Variants in SLC49A3 observed in about 807,000 individuals in gnomAD.
SLC49A3 encodes the protein solute carrier family 49 member A3.
A neutral mutation model predicts 43.8 loss-of-function variants in SLC49A3; 50 were observed. The ratio of observed to expected loss-of-function variants is 1.14; its 90% confidence interval spans 0.91 to 1.45. SLC49A3 has a LOEUF of 1.45. SLC49A3 is among the 40% of genes most tolerant of loss of function. The pLI is 0.00. For missense variants in SLC49A3, 906 were observed against 774.1 expected (o/e 1.17, Z -2.02); for synonymous variants, 413 against 352.0 (o/e 1.17, Z -1.94).
At position 686,123 on chromosome 4, in the gene SLC49A3, G is replaced by A. The variant is rs1740967853; in HGVS notation, c.474C>T (p.His158=). 3 of 1,613,038 alleles carry A rather than the reference G, an allele frequency of 1.9e-6. No homozygotes were observed. Among genetic ancestry groups the A allele is most frequent in the South Asian group, 2.2e-5 (2 of 91,072 alleles). The change falls in exon 3 of 10, where the codon CAC becomes CAT. Residue 158 remains histidine, a synonymous_variant. Coordinates refer to ENST00000322224, the MANE Select transcript of SLC49A3 (RefSeq NM_032219.4). The part of the protein sequence containing the change: ...AKLAALWFPE[H]QRATANMLAT... ...CGAGCATGTTGGCCGTGGCTCGCTGGTGCTCTGGGAACCACAAGGCAGCCA... is the reference window on the plus strand; with the variant it reads ...CGAGCATGTTGGCCGTGGCTCGCTGATGCTCTGGGAACCACAAGGCAGCCA...
rs774004954 is a variant in SLC49A3, at chr4:684,846, T to C, written c.596A>G (p.Tyr199Cys). The change falls in exon 5 of 10, where the codon TAT (tyrosine) becomes TGT (cysteine). Residue 199 changes from tyrosine (Y) to cysteine (C), a missense_variant. Transcript: ENST00000322224. ...GEDIPLMLGVYTIPAGVVCLL... is the reference protein window; with the variant it reads ...GEDIPLMLGVCTIPAGVVCLL... ...GCAGACGACGCCAGCAGGGATGGTA[T>C]AGACACCGAGCTGGGGAGGGGTGTG... 4 of 1,611,880 alleles carry C rather than the reference T, an allele frequency of 2.5e-6. No individual in the cohort carries two copies. Among genetic ancestry groups the C allele is most frequent in the African/African-American group, 2.7e-5 (2 of 74,876 alleles).
At chr4:684,352 C>A in intron 6 of SLC49A3, 131 bp downstream of exon 6, 1 of 1,292,272 alleles carries the variant, frequency 7.7e-7, no homozygotes, top group Non-Finnish European at 1.1e-6. Context: ...CGGGAGGGCC[C>A]ACAGCACAGA....
downstream of SLC49A3, chr4:679,166 G>T (rs1380693383): frequency 2.3e-6 from 2 of 888,870 alleles, no homozygotes; most frequent in African/African-American, 3.3e-5. Flanking sequence ...CGGCCCTGAA[G>T]CTGCAAGGTG....
chr4:678,791 GC>G (rs559084617), downstream of SLC49A3: 3,302 of 1,607,762 alleles, frequency 2.1e-3, 5 homozygotes, highest in Non-Finnish European at 2.6e-3. Flanking sequence ...TTCACTGGGA[GC>G]CCCCACCCCC....
downstream of SLC49A3, among the ~76,000 whole-genome samples, chr4:679,677 C>T (rs1739245264): frequency 6.6e-6 from 1 of 152,200 alleles, no homozygotes; most frequent in South Asian, 2.1e-4. Context: ...AGCACCTTCC[C>T]AGGCTCTGTG....
At chr4:678,117 G>T, downstream of SLC49A3, 9 of 1,579,538 alleles carry the variant, frequency 5.7e-6, no homozygotes, top group Non-Finnish European at 7.7e-6. Context: ...GAGCGTGGGC[G>T]TGTCCGTGCT....
At chr4:678,574 G>C, downstream of SLC49A3, 6 of 1,529,232 alleles carry the variant, frequency 3.9e-6, no homozygotes, top group Non-Finnish European at 1.8e-6. Flanking sequence ...CCCTTCATCT[G>C]AGTTAAGTCT....
chr4:688,920 A>T, intron 1 of SLC49A3, 73 bp downstream of exon 1: 1 of 1,520,100 alleles, frequency 6.6e-7, no homozygotes, highest in South Asian at 1.2e-5. Context: ...GGCTGTGGCC[A>T]CAGGAAAACA....
chr4:680,064 C>A, downstream of SLC49A3: 1 of 1,444,062 alleles, frequency 6.9e-7, no homozygotes, highest in Non-Finnish European at 9.6e-7. Flanking sequence ...TAATTCCTAA[C>A]AGTTAGAGAT....
downstream of SLC49A3, among the ~76,000 whole-genome samples, chr4:679,419 C>G (rs114568854): frequency 1.3e-5 from 2 of 152,322 alleles, no homozygotes; most frequent in African/African-American, 2.4e-5. Flanking sequence ...TGACAGAGGG[C>G]GTGGAGACGC....
chr4:679,082 A>G, downstream of SLC49A3: 1 of 1,466,004 alleles, frequency 6.8e-7, no homozygotes, highest in Non-Finnish European at 9.2e-7. Context: ...AGGCGAACAC[A>G]GAGGTCCTCC....
At chr4:686,914 C>T (rs1741161528) in intron 1 of SLC49A3, among the ~76,000 whole-genome samples, 1 of 152,238 alleles carries the variant, frequency 6.6e-6, no homozygotes, top group Non-Finnish European at 1.5e-5. Flanking sequence ...CGGGGACCAG[C>T]CTGGGGGGCA....
chr4:690,635 C>A (rs545187004), upstream of SLC49A3, among the ~76,000 whole-genome samples: 129 of 152,368 alleles, frequency 8.5e-4, 1 homozygote, highest in Middle Eastern at 0.01. Flanking sequence ...GAGCCTGTCA[C>A]CATGAAATGG....
chr4:678,264 G>C (rs1739057231), downstream of SLC49A3: 2 of 1,466,884 alleles, frequency 1.4e-6, no homozygotes, highest in East Asian at 5.0e-5. Context: ...TTGCTCTCCT[G>C]GTGAGAGTCC....
intron 7 of SLC49A3, 95 bp downstream of exon 7, chr4:683,514 C>G (rs1740293521): frequency 6.6e-7 from 1 of 1,506,944 alleles, no homozygotes; most frequent in South Asian, 1.3e-5. Context: ...TGAGACAGTC[C>G]AGACCTCTGT....
downstream of SLC49A3, chr4:681,679 C>A (rs1488694470): frequency 2.2e-4 from 10 of 45,538 alleles, no homozygotes; most frequent in East Asian, 5.6e-4. Flanking sequence ...CCTCCAGCGC[C>A]GCCCCGCCCC....
At chr4:690,530 C>A (rs188060031), upstream of SLC49A3, among the ~76,000 whole-genome samples, 15 of 152,368 alleles carry the variant, frequency 9.8e-5, no homozygotes, top group African/African-American at 3.1e-4. Context: ...CTTCAACATC[C>A]CCTAACCCCA....
downstream of SLC49A3, chr4:679,256 G>C: frequency 1.5e-6 from 1 of 659,834 alleles, no homozygotes; most frequent in East Asian, 2.8e-5. Flanking sequence ...GACAGCCCAA[G>C]CCTGGAAACT....
chr4:681,852 C>T lies in SLC49A3; in HGVS notation c.*106G>A, dbSNP rs1162356816. On this transcript the variant is annotated 3_prime_UTR_variant, in exon 10 of 10. Transcript: ENST00000322224. ...GCTGCAGGTGCGCGCTTGTAATTCG[C>T]TCCCGGAGCCCGCAAGGAGCCCTTT... 1.5e-6 allele frequency: 2 copies of T among 1,303,552 alleles called. No individual in the cohort carries two copies. The highest frequency in any genetic ancestry group is 2.0e-6 in the Non-Finnish European group (2 of 1,018,098). The allele number at this position is 1,303,552 out of a possible 1,614,324, so 80.7% of individuals were successfully genotyped here.
Sources: allele counts gnomAD v4.1 joint callset (sites outside exome capture counted in the v4.1 genomes callset), GRCh38; gene constraint gnomAD v4.1.1; transcripts MANE v1.5; gene names NCBI Gene and HGNC (gene_info 2026-07-23, HGNC 2026-07-21).